The following PALM variants were observed in gnomAD, a reference collection of about 807,000 sequenced individuals.
PALM encodes paralemmin-1.
In PALM, 18 loss-of-function variants were observed where a neutral mutation model predicts 30.7. That is an observed-to-expected ratio of 0.59 (90% CI 0.41 to 0.87). PALM has a LOEUF of 0.87. PALM is among the 40% of genes least tolerant of loss of function. The pLI, the probability that PALM is intolerant of heterozygous loss-of-function variation, is 0.00. For synonymous variants in PALM, 286 were observed against 242.8 expected, an observed-to-expected ratio of 1.18 and a Z score of -1.66; for missense variants, 529 against 555.4, an observed-to-expected ratio of 0.95 and a Z score of 0.48.
intron 1 of PALM, chr19:718,961 TG>T: frequency 5.4e-6 from 1 of 185,708 alleles, no homozygotes; most frequent in Non-Finnish European, 1.0e-5. Context: ...GGGAAGCAGC[TG>T]GGGTCCAGAC....
chr19:719,409 C>T, intron 1 of PALM: 2 of 985,508 alleles, frequency 2.0e-6, no homozygotes, highest in Non-Finnish European at 1.2e-6. Context: ...CCCCGAGCCG[C>T]CCACACCGCC....
intron 7 of PALM, among the ~76,000 whole-genome samples, chr19:737,510 G>C (rs2033057614): frequency 6.6e-6 from 1 of 152,226 alleles, no homozygotes; most frequent in Admixed American, 6.5e-5. Context: ...AGAAAAGTGA[G>C]GCCAAGGACG....
At chr19:736,249 G>A (rs1332438619) in intron 7 of PALM, 171 bp downstream of exon 7, 1 of 547,884 alleles carries the variant, frequency 1.8e-6, no homozygotes, top group Non-Finnish European at 3.1e-6. Flanking sequence ...CCGAGCCTGG[G>A]GTGGGGGCCC....
In PALM at chr19:709,928, G is replaced by A. The variant is rs1158701566; in HGVS notation, c.5+777G>A. ...TGTGTGTGTGGGGGGGGGGTGGCCA[G>A]TGGAGGCACCGAGCGAGGGCGCGTG... On this transcript the variant is annotated intron_variant, in intron 1 of 8. Transcript: ENST00000338448. The surrounding 1 kb of genome is among the most constrained non-coding windows in gnomAD (Gnocchi z 4.3). Among the ~76,000 whole-genome samples the A allele has an allele frequency of 6.6e-6, 1 of 151,862 alleles. No homozygotes were observed. Among genetic ancestry groups the A allele is most frequent in the Non-Finnish European group, 1.5e-5 (1 of 67,972 alleles).
At chr19:726,065 C>T (rs2032650348) in intron 1 of PALM, 73 bp from the exon 2 acceptor site, 1 of 1,163,034 alleles carries the variant, frequency 8.6e-7, no homozygotes, top group African/African-American at 1.5e-5. Flanking sequence ...AGAGGCAGAG[C>T]TGGGATTTGA....
chr19:742,798 C>T lies in PALM; in HGVS notation c.634+2315C>T, dbSNP rs530157090. Among the ~76,000 whole-genome samples, 1 of 152,166 alleles carries T rather than the reference C, an allele frequency of 6.6e-6. No homozygotes were observed. Among genetic ancestry groups the T allele is most frequent in the South Asian group, 2.1e-4 (1 of 4,828 alleles). ...GTGGGCCATGGTGGGTTTATCCCTT[C>T]TTCCATCTGTAGACAGTTGGGCTGT... On this transcript the variant is annotated intron_variant, in intron 8 of 8. Coordinates refer to ENST00000338448, the MANE Select transcript of PALM (RefSeq NM_002579.3). This position sits in a 1 kb window ranked among gnomAD's most constrained non-coding sequence, Gnocchi z 5.5.
In PALM at chr19:731,185, C is replaced by T; in HGVS notation, c.360C>T (p.Ala120=). ...CGGCGGCCCCGAGCCCAGTCCGGGC[C>T]CCAGCCCCGAGTCCAGCCAAGGAGG... is the stretch of plus-strand genomic sequence containing the variant. The part of the protein sequence containing the change: ...ENAAAPSPVR[A]PAPSPAKEER... Residue 120 remains alanine (A), a synonymous_variant, in exon 5 of 9, where the codon GCC becomes GCT. Coordinates refer to ENST00000338448, the MANE Select transcript of PALM (RefSeq NM_002579.3). 6.2e-7 allele frequency: 1 copy of T among 1,610,928 alleles called. No homozygotes were observed. The highest frequency in any genetic ancestry group is 8.5e-7 in the Non-Finnish European group (1 of 1,179,176).
chr19:724,156 G>A (rs909463665), intron 1 of PALM, among the ~76,000 whole-genome samples: 4 of 152,060 alleles, frequency 2.6e-5, no homozygotes, highest in African/African-American at 7.2e-5. Context: ...AGAATTCCTC[G>A]GTTCTTTCCT....
At chr19:743,778 GGA>G (rs2033258449) in intron 8 of PALM, among the ~76,000 whole-genome samples, 3 of 152,256 alleles carry the variant, frequency 2.0e-5, no homozygotes, top group African/African-American at 7.2e-5. Flanking sequence ...TCCGGTCCTT[GGA>G]GAGTCCAACA....
chr19:726,278 TG>T, intron 2 of PALM, 89 bp downstream of exon 2: 2 of 1,055,272 alleles, frequency 1.9e-6, no homozygotes, highest in Non-Finnish European at 2.9e-6. Context: ...TCCTAGGACC[TG>T]GAACCAGGGC....
chr19:736,534 C>T (rs905309806), intron 7 of PALM, among the ~76,000 whole-genome samples: 2 of 152,202 alleles, frequency 1.3e-5, no homozygotes, highest in African/African-American at 2.4e-5. Flanking sequence ...AGCACCGCTG[C>T]GCTTCCGAGA....
Position 746,234 on chromosome 19 carries a change from C to CT in PALM, c.635-50dup, listed in dbSNP as rs2033333525. ...TCCTGCCTGAGCCAGGTCACTCTCT[C>CT]TGTCCCTCCTGCCTGGAGCTGGGTC... On this transcript the variant is annotated intron_variant, in intron 8 of 8. Coordinates refer to ENST00000338448, the MANE Select transcript of PALM (RefSeq NM_002579.3). This position sits in a 1 kb window ranked among gnomAD's most constrained non-coding sequence, Gnocchi z 7.1. 1.3e-6 allele frequency: 2 copies of CT among 1,506,382 alleles called. No individual in the cohort carries two copies. The highest frequency in any genetic ancestry group is 1.8e-6 in the Non-Finnish European group (2 of 1,094,176). The allele number at this position is 1,506,382 out of a possible 1,614,324, so 93.3% of individuals were successfully genotyped here. A position where few individuals can be genotyped will look rare whatever the true frequency, so the allele number is the denominator to read the frequency against.
At chr19:713,908 C>CTTT (rs200551039) in intron 1 of PALM, among the ~76,000 whole-genome samples, 1 of 123,782 alleles carries the variant, frequency 8.1e-6, no homozygotes, top group Non-Finnish European at 1.7e-5. Context: ...TTCTTTCTTT[C>CTTT]TTTTTTTTTT....
intron 1 of PALM, among the ~76,000 whole-genome samples, chr19:719,817 T>G (rs1364808878): frequency 2.0e-5 from 3 of 151,844 alleles, no homozygotes; most frequent in African/African-American, 7.3e-5. Flanking sequence ...CTGCCCGGCC[T>G]CAGTTTCCCC....
In PALM at chr19:747,163, C is replaced by T. The variant is rs2033375412; in HGVS notation, c.*349C>T. ...GGTGGGACCCGCAGCCTCCACGCGG[C>T]CCAGGCCAGCCTGCCACCCTCTGGG... On this transcript the variant is annotated 3_prime_UTR_variant, in exon 9 of 9. Coordinates refer to ENST00000338448, the MANE Select transcript of PALM (RefSeq NM_002579.3). 4.1e-6 allele frequency: 1 copy of T among 245,516 alleles called. No homozygotes were observed. The highest frequency in any genetic ancestry group is 7.9e-6 in the Non-Finnish European group (1 of 126,294). 15.2% of individuals were successfully genotyped at this position (245,516 alleles called of 1,614,324 possible).
At chr19:719,259 G>T (rs1301904168) in intron 1 of PALM, 1 of 985,500 alleles carries the variant, frequency 1.0e-6, no homozygotes, top group Non-Finnish European at 1.2e-6. Flanking sequence ...CTTGGCCGTT[G>T]CGTAACCTCT....
intron 1 of PALM, among the ~76,000 whole-genome samples, chr19:725,126 A>G (rs940565273): frequency 6.6e-6 from 1 of 151,838 alleles, no homozygotes; most frequent in Non-Finnish European, 1.5e-5. Context: ...AGGTTTTGCC[A>G]TGTTGGCCAG....
Position 709,213 on chromosome 19 carries a change from G to A in PALM, c.5+62G>A, listed in dbSNP as rs1410171182. The stretch of plus-strand genomic sequence containing the variant: ...CGGAGCTCCGGGAGCCGGGGAGGGG[G>A]GAGGCCCCCTCTCTCGCGCCCCATT... On this transcript the variant is annotated intron_variant, in intron 1 of 8. Transcript: ENST00000338448. The surrounding 1 kb of genome is among the most constrained non-coding windows in gnomAD (Gnocchi z 4.3). 2 of 308,842 alleles carry A rather than the reference G, an allele frequency of 6.5e-6. No individual in the cohort carries two copies. Among genetic ancestry groups the A allele is most frequent in the Admixed American group, 1.0e-4 (2 of 19,510 alleles). 19.1% of individuals were successfully genotyped at this position (308,842 alleles called of 1,614,324 possible). A position where few individuals can be genotyped will look rare whatever the true frequency, so the allele number is the denominator to read the frequency against.
chr19:738,172 T>C (rs2033078078), intron 7 of PALM, among the ~76,000 whole-genome samples: 1 of 151,696 alleles, frequency 6.6e-6, no homozygotes, highest in African/African-American at 2.4e-5. Context: ...GGGCAGATCA[T>C]TTGAGGTCAG....
Sources: gnomAD v4.1 joint callset for allele counts (sites outside exome capture counted in the v4.1 genomes callset) on GRCh38, gnomAD v4.1.1 for gene constraint, Gnocchi (gnomAD v3.1) non-coding constraint, MANE v1.5 for transcripts, NCBI Gene and HGNC (gene_info 2026-07-23, HGNC 2026-07-21) for gene names.